PRDX5: variants seen among roughly 807,000 people sequenced by gnomAD.
The protein encoded by PRDX5 is peroxiredoxin 5.
PRDX5 carries 21 observed loss-of-function variants against 23.8 expected under a neutral mutation model. That is an observed-to-expected ratio of 0.88 (90% CI 0.63 to 1.27). PRDX5 has a LOEUF of 1.27. PRDX5 is among the 50% of genes most tolerant of loss of function. The pLI, the probability that PRDX5 is intolerant of heterozygous loss-of-function variation, is 0.00. For synonymous variants in PRDX5, 111 were observed against 113.3 expected (o/e 0.98, Z 0.13); for missense variants, 261 against 270.6 (o/e 0.96, Z 0.25).
In PRDX5 at chr11:64,321,576, T is replaced by A; in HGVS notation, c.540-10T>A. ...GCTGATGCAGCTGGCTGGGCCCCTC[T>A]TTCCGGCAGGTTCTCCATGGTGGTA... is the stretch of plus-strand genomic sequence containing the variant. On this transcript the variant is annotated splice_polypyrimidine_tract_variant and intron_variant, in intron 5 of 5. Coordinates refer to ENST00000265462, the MANE Select transcript of PRDX5 (RefSeq NM_012094.5). The A allele has an allele frequency of 1.2e-6, 2 of 1,611,990 alleles. No individual in the cohort carries two copies. The highest frequency in any genetic ancestry group is 1.7e-6 in the Non-Finnish European group (2 of 1,178,630).
chr11:64,318,285 C>T lies in PRDX5; in HGVS notation c.70C>T (p.Gln24Ter), dbSNP rs1239410765. 2 of 1,612,398 alleles carry T rather than the reference C, an allele frequency of 1.2e-6. No individual in the cohort carries two copies. Among genetic ancestry groups the T allele is most frequent in the Non-Finnish European group, 1.7e-6 (2 of 1,179,870 alleles). The stretch of plus-strand genomic sequence containing the variant: ...TATACTCGTCGGTGGGGCCGGCGGT[C>T]AGTCTGCGGCAGCGGCAGCAAGACG... ...GYILVGGAGGQSAAAAARRYS... is the reference protein window; with the variant it reads ...GYILVGGAGG Residue 24 changes from glutamine (Q) to a stop codon, truncating the protein, a stop_gained, in exon 1 of 6, where the codon CAG becomes TAG. Transcript: ENST00000265462. LOFTEE classifies it high-confidence loss of function.
chr11:64,320,210 C>T (rs1224339044), intron 2 of PRDX5, among the ~76,000 whole-genome samples: 3 of 151,290 alleles, frequency 2.0e-5, no homozygotes, highest in Middle Eastern at 3.4e-3. Context: ...ACCCAGGAGG[C>T]GTAGGTTGCA....
In PRDX5 at chr11:64,318,249, T is replaced by C. The variant is rs1387119889; in HGVS notation, c.34T>C (p.Ser12Pro). ...GLAGVCALRR[S>P]AGYILVGGAG... is the part of the protein sequence containing the mutation. ...AGCTGGCGTGTGCGCCCTGAGACGC[T>C]CAGCGGGCTATATACTCGTCGGTGG... Residue 12 changes from serine to proline, a missense_variant, in exon 1 of 6, where the codon TCA (serine) becomes CCA (proline). Transcript: ENST00000265462. The C allele has an allele frequency of 1.4e-5, 23 of 1,611,998 alleles. No individual in the cohort carries two copies. Among genetic ancestry groups the C allele is most frequent in the Non-Finnish European group, 1.9e-5 (23 of 1,179,884 alleles).
chr11:64,318,846 GC>G (rs1295288059), intron 1 of PRDX5, among the ~76,000 whole-genome samples: 128 of 71,990 alleles, frequency 1.8e-3, no homozygotes, highest in South Asian at 2.6e-3. Flanking sequence ...AACCCCCCCC[GC>G]CCCCCCCCGC....
chr11:64,318,854 C>A (rs1307905767), intron 1 of PRDX5, among the ~76,000 whole-genome samples: 2 of 140,486 alleles, frequency 1.4e-5, no homozygotes, highest in Non-Finnish European at 3.1e-5. Flanking sequence ...CCGCCCCCCC[C>A]CGCCTCGGCT....
chr11:64,318,837 A>ACCCCCCCCCCCCCCCCCCCCCCCCC (rs374862180), intron 1 of PRDX5, among the ~76,000 whole-genome samples: 2 of 77,416 alleles, frequency 2.6e-5, no homozygotes, highest in Admixed American at 2.6e-4. Flanking sequence ...CCTCAGGTGA[A>ACCCCCCCCCCCCCCCCCCCCCCCCC]CCCCCCCCGC....
At chr11:64,319,970 C>T (rs1040795220) in intron 2 of PRDX5, 102 bp downstream of exon 2, 11 of 1,472,326 alleles carry the variant, frequency 7.5e-6, no homozygotes, top group Non-Finnish European at 1.0e-5. Flanking sequence ...CATTTCAGTG[C>T]CATCACAAAA....
chr11:64,318,454 T>G, intron 1 of PRDX5, 68 bp downstream of exon 1: 2 of 1,527,886 alleles, frequency 1.3e-6, no homozygotes, highest in Middle Eastern at 1.8e-4. Context: ...CCCGCTAGTC[T>G]GAGAGTATCG....
At position 64,321,727 on chromosome 11, in the gene PRDX5, A is replaced by C. The variant is rs565389016; in HGVS notation, c.*36A>C. On this transcript the variant is annotated 3_prime_UTR_variant, in exon 6 of 6. Transcript: ENST00000265462. Reference sequence around the variant, plus strand: ...CAGATTACTTCCTCCACCCCTCCCTATCTCACCTGCCCAGCCCTGTGCTGG... The same window carrying C: ...CAGATTACTTCCTCCACCCCTCCCTCTCTCACCTGCCCAGCCCTGTGCTGG... 207 of 1,539,970 alleles carry C rather than the reference A, an allele frequency of 1.3e-4. No homozygotes were observed. The highest frequency in any genetic ancestry group is 1.7e-4 in the Non-Finnish European group (189 of 1,140,114).
chr11:64,318,125 C>A lies in PRDX5; in HGVS notation c.-91C>A. On this transcript the variant is annotated 5_prime_UTR_variant, in exon 1 of 6. Coordinates refer to ENST00000265462, the MANE Select transcript of PRDX5 (RefSeq NM_012094.5). ...GTGGAGGCGGCCCAGGCCCGCCTTC[C>A]GCAGGGTGTCGCCGCTGTGCCGCTA... The A allele has an allele frequency of 6.5e-7, 1 of 1,550,374 alleles. No homozygotes were observed.
chr11:64,319,441 C>G (rs1381976782), intron 1 of PRDX5, among the ~76,000 whole-genome samples: 1 of 152,200 alleles, frequency 6.6e-6, no homozygotes, highest in African/African-American at 2.4e-5. Flanking sequence ...TTCCTGTAAC[C>G]TAGACAGCAT....
chr11:64,318,837 AC>A lies in PRDX5; in HGVS notation c.171+459del, dbSNP rs374862180. 8.1e-3 allele frequency among the ~76,000 whole-genome samples: 624 copies of A among 77,456 alleles called. 12 individuals carry two copies. The South Asian group carries it at 0.085, about 11-fold the overall frequency. 50.8% of individuals were successfully genotyped at this position (77,456 alleles called of 152,430 possible). Reference sequence around the variant, plus strand: ...GTCTCGAACTCCTGACCTCAGGTGAACCCCCCCCGCCCCCCCCCGCCTCGGC... The same window carrying A: ...GTCTCGAACTCCTGACCTCAGGTGAACCCCCCCGCCCCCCCCCGCCTCGGC... On this transcript the variant is annotated intron_variant, in intron 1 of 5. Transcript: ENST00000265462.
chr11:64,321,788 A>G lies in PRDX5; in HGVS notation c.*97A>G. ...TTGGAATGTTGGCCAGATTTCTGCAATAAACACTTGTGGTTTGCGGCCATC... is the reference window on the plus strand; with the variant it reads ...TTGGAATGTTGGCCAGATTTCTGCAGTAAACACTTGTGGTTTGCGGCCATC... On this transcript the variant is annotated 3_prime_UTR_variant, in exon 6 of 6. Coordinates refer to ENST00000265462, the MANE Select transcript of PRDX5 (RefSeq NM_012094.5). 1 of 1,416,152 alleles carries G rather than the reference A, an allele frequency of 7.1e-7. No homozygotes were observed. 87.7% of individuals were successfully genotyped at this position (1,416,152 alleles called of 1,614,324 possible).
intron 5 of PRDX5, 58 bp from the exon 6 acceptor site, chr11:64,321,528 C>G: frequency 1.3e-6 from 2 of 1,587,722 alleles, no homozygotes; most frequent in Middle Eastern, 1.7e-4. Context: ...CTGCCTGTCT[C>G]CATGCCCAGC....
In PRDX5 at chr11:64,321,740, A is replaced by C. The variant is rs762966943; in HGVS notation, c.*49A>C. The C allele has an allele frequency of 2.0e-5, 30 of 1,518,238 alleles. No homozygotes were observed. In the East Asian group the frequency reaches 7.4e-4, roughly 37 times the overall value. The allele number at this position is 1,518,238 out of a possible 1,614,324, so 94.0% of individuals were successfully genotyped here. ...CCACCCCTCCCTATCTCACCTGCCCAGCCCTGTGCTGGGGCCCTGCAATTG... is the reference window on the plus strand; with the variant it reads ...CCACCCCTCCCTATCTCACCTGCCCCGCCCTGTGCTGGGGCCCTGCAATTG... On this transcript the variant is annotated 3_prime_UTR_variant, in exon 6 of 6. Transcript: ENST00000265462.
rs188888924 is a variant in PRDX5 at position 64,319,434 on chromosome 11, C to T, written c.172-300C>T. Among the ~76,000 whole-genome samples the T allele has an allele frequency of 4.9e-4, 74 of 152,316 alleles. 1 individual carries two copies. Among genetic ancestry groups the T allele is most frequent in the Middle Eastern group, 3.4e-3 (1 of 294 alleles). On this transcript the variant is annotated intron_variant, in intron 1 of 5. Coordinates refer to ENST00000265462, the MANE Select transcript of PRDX5 (RefSeq NM_012094.5). ...CTGTCCATTTTATTCCACTCCTTTC[C>T]TGTAACCTAGACAGCATGTTATGCA...
rs192518475 is a variant in PRDX5 at position 64,318,440 on chromosome 11, C to T, written c.171+54C>T. 8.4e-6 allele frequency: 13 copies of T among 1,548,418 alleles called. No homozygotes were observed. In the East Asian group the frequency reaches 1.9e-4, roughly 23 times the overall value. On this transcript the variant is annotated intron_variant, in intron 1 of 5. Transcript: ENST00000265462. ...TCCCCCACTACCCCCATGGCAATCCCCGTCCCGCTAGTCTGAGAGTATCGC... is the reference window on the plus strand; with the variant it reads ...TCCCCCACTACCCCCATGGCAATCCTCGTCCCGCTAGTCTGAGAGTATCGC...
At chr11:64,320,236 G>A (rs2035456114) in intron 2 of PRDX5, among the ~76,000 whole-genome samples, 1 of 151,830 alleles carries the variant, frequency 6.6e-6, no homozygotes, top group Non-Finnish European at 1.5e-5. Context: ...TGGAGATCGT[G>A]CCTCTGCAGT....
intron 5 of PRDX5, 129 bp downstream of exon 5, chr11:64,321,197 AGTC>A: frequency 9.4e-7 from 1 of 1,065,460 alleles, no homozygotes; most frequent in Non-Finnish European, 1.4e-6. Context: ...TGTGTGGGAG[AGTC>A]GTCTGTGGGG....
Sources: gnomAD v4.1 joint callset for allele counts (sites outside exome capture counted in the v4.1 genomes callset) on GRCh38, gnomAD v4.1.1 for gene constraint, MANE v1.5 for transcripts, NCBI Gene and HGNC (gene_info 2026-07-23, HGNC 2026-07-21) for gene names.